The following COG5 variants were observed in gnomAD, a reference collection of about 807,000 sequenced individuals.
The protein encoded by COG5 is conserved oligomeric Golgi complex subunit 5.
Under a neutral mutation model 110.4 loss-of-function variants are expected in COG5, and 86 were observed. The observed-to-expected ratio is 0.78, with a 90% CI of 0.65 to 0.93. The LOEUF (loss-of-function observed/expected upper bound fraction) is 0.93, where lower values mean the gene tolerates loss of function less well. Ranked by LOEUF, COG5 falls within the 40% of genes least tolerant of loss-of-function variation. The pLI, the probability that COG5 is intolerant of heterozygous loss-of-function variation, is 0.00. For missense variants in COG5, 1,077 were observed against 987.0 expected (o/e 1.09, Z -1.22); for synonymous variants, 360 against 334.6 (o/e 1.08, Z -0.83).
rs189371535 is a variant in COG5, at chr7:107,426,585, A to T, written c.539-13953T>A. On this transcript the variant is annotated intron_variant, in intron 6 of 21. Coordinates refer to ENST00000297135, the MANE Select transcript of COG5 (RefSeq NM_006348.5). Reference sequence around the variant, plus strand: ...GAAGAGGGCAAGAGGGCTCTCTGGGATCCCTTTTTCAAAGACACTAATAGC... The same window carrying T: ...GAAGAGGGCAAGAGGGCTCTCTGGGTTCCCTTTTTCAAAGACACTAATAGC... 4.4e-3 allele frequency among the ~76,000 whole-genome samples: 670 copies of T among 152,236 alleles called. 2 individuals are homozygous for T. Among genetic ancestry groups the T allele is most frequent in the Non-Finnish European group, 7.0e-3 (477 of 68,016 alleles).
intron 11 of COG5, among the ~76,000 whole-genome samples, chr7:107,318,010 A>C (rs1281560749): frequency 1.3e-5 from 2 of 152,084 alleles, no homozygotes; most frequent in East Asian, 3.9e-4. Context: ...AAAGTATGCT[A>C]ATGGCTTTTT....
intron 17 of COG5, among the ~76,000 whole-genome samples, chr7:107,240,006 A>G (rs1208034381): frequency 6.6e-6 from 1 of 152,216 alleles, no homozygotes; most frequent in African/African-American, 2.4e-5. Context: ...TTAATAATGT[A>G]GAGTTCTTCT....
chr7:107,485,347 G>A (rs1797595090), intron 6 of COG5, among the ~76,000 whole-genome samples: 1 of 152,134 alleles, frequency 6.6e-6, no homozygotes, highest in African/African-American at 2.4e-5. Flanking sequence ...TACAGTTAGA[G>A]CATACAATAA....
intron 1 of COG5, among the ~76,000 whole-genome samples, chr7:107,561,854 T>G (rs1445055126): frequency 6.6e-6 from 1 of 152,162 alleles, no homozygotes; most frequent in Non-Finnish European, 1.5e-5. Context: ...TGGGCGCTTG[T>G]AGTCCCAGCT....
At chr7:107,223,009 CCTG>C (rs1199186549) in intron 19 of COG5, among the ~76,000 whole-genome samples, 2 of 152,144 alleles carry the variant, frequency 1.3e-5, no homozygotes, top group Non-Finnish European at 2.9e-5. Context: ...AGGCAAAAAT[CCTG>C]CTGCTCCTGT....
chr7:107,294,600 C>T (rs181685951), intron 12 of COG5, among the ~76,000 whole-genome samples: 78 of 152,142 alleles, frequency 5.1e-4, no homozygotes, highest in African/African-American at 1.8e-3. Context: ...TACCTGATCT[C>T]ACATTTCCTT....
At chr7:107,433,913 T>G (rs187831986) in intron 6 of COG5, among the ~76,000 whole-genome samples, 4 of 152,230 alleles carry the variant, frequency 2.6e-5, no homozygotes, top group Admixed American at 2.6e-4. Context: ...GCAAATAATA[T>G]TTCTAATAAA....
At chr7:107,372,820 CAT>C in intron 7 of COG5, 60 bp from the exon 8 acceptor site, 1 of 1,518,174 alleles carries the variant, frequency 6.6e-7, no homozygotes, top group Non-Finnish European at 9.1e-7. Flanking sequence ...ACAAAATCAA[CAT>C]AAATATACAA....
At chr7:107,465,468 G>C (rs1238342396) in intron 6 of COG5, among the ~76,000 whole-genome samples, 1 of 152,088 alleles carries the variant, frequency 6.6e-6, no homozygotes, top group Non-Finnish European at 1.5e-5. Flanking sequence ...AAAAATAGTA[G>C]AGATACTATG....
rs1319278792 is a variant in COG5 at position 107,517,281 on chromosome 7, G to C, written c.538+9956C>G. 1.3e-5 allele frequency among the ~76,000 whole-genome samples: 2 copies of C among 151,576 alleles called. 1 individual carries two copies. Among genetic ancestry groups the C allele is most frequent in the South Asian group, 4.2e-4 (2 of 4,806 alleles). ...TCACCTTGCTGAAATAAGGCATACA[G>C]ACAAGATTAGAGAAAAAAGAATGAA... On this transcript the variant is annotated intron_variant, in intron 6 of 21. Transcript: ENST00000297135.
chr7:107,400,514 G>A (rs771734722), intron 7 of COG5, among the ~76,000 whole-genome samples: 24 of 152,052 alleles, frequency 1.6e-4, no homozygotes, highest in Non-Finnish European at 3.4e-4. Flanking sequence ...TTGAGAAGCA[G>A]AAAGCAATTA....
intron 6 of COG5, among the ~76,000 whole-genome samples, chr7:107,495,585 G>GA (rs200958904): frequency 4.0e-5 from 6 of 150,492 alleles, no homozygotes; most frequent in South Asian, 2.1e-4. Context: ...GCATGAAAAG[G>GA]AAAAAAAAAG....
chr7:107,395,541 C>CTTTTTTT (rs67581814), intron 7 of COG5, among the ~76,000 whole-genome samples: 2 of 49,996 alleles, frequency 4.0e-5, no homozygotes, highest in Non-Finnish European at 6.9e-5. Flanking sequence ...TGAAGCAGAT[C>CTTTTTTT]TTTTTTTTTT....
At chr7:107,509,099 G>A (rs1584912348) in intron 6 of COG5, among the ~76,000 whole-genome samples, 1 of 152,136 alleles carries the variant, frequency 6.6e-6, no homozygotes, top group African/African-American at 2.4e-5. Context: ...AAACTACTCT[G>A]AGCTAAAGGA....
chr7:107,219,856 G>C (rs1799786009), intron 19 of COG5, among the ~76,000 whole-genome samples: 1 of 152,160 alleles, frequency 6.6e-6, no homozygotes, highest in African/African-American at 2.4e-5. Flanking sequence ...AAAATGCTAA[G>C]TGTTTGAGGT....
intron 21 of COG5, 41 bp from the exon 22 acceptor site, chr7:107,203,671 A>C (rs1460311135): frequency 7.9e-7 from 1 of 1,268,120 alleles, no homozygotes; most frequent in African/African-American, 1.5e-5. Flanking sequence ...TATTAGATAA[A>C]TCACATAAAA....
At chr7:107,388,810 C>A (rs1347115631) in intron 7 of COG5, among the ~76,000 whole-genome samples, 1 of 152,112 alleles carries the variant, frequency 6.6e-6, no homozygotes, top group Non-Finnish European at 1.5e-5. Context: ...CGCATCAAAC[C>A]ACACCATGGC....
chr7:107,486,122 G>T (rs1408014232), intron 6 of COG5, among the ~76,000 whole-genome samples: 3 of 151,872 alleles, frequency 2.0e-5, no homozygotes, highest in Non-Finnish European at 2.9e-5. Flanking sequence ...ATTCGTGTTT[G>T]CCAGGCCAAA....
chr7:107,390,168 C>T (rs1418662879), intron 7 of COG5, among the ~76,000 whole-genome samples: 2 of 152,150 alleles, frequency 1.3e-5, no homozygotes, highest in Admixed American at 6.5e-5. Flanking sequence ...GCCCTTGCCA[C>T]CTTAGAATGT....
Sources: gnomAD v4.1 joint callset for allele counts (sites outside exome capture counted in the v4.1 genomes callset) on GRCh38, gnomAD v4.1.1 for gene constraint, MANE v1.5 for transcripts, NCBI Gene and HGNC (gene_info 2026-07-23, HGNC 2026-07-21) for gene names.